Variants in RWDD2B observed in about 807,000 individuals in gnomAD.
The protein encoded by RWDD2B is RWD domain-containing protein 2B.
A neutral mutation model predicts 33.6 loss-of-function variants in RWDD2B; 36 were observed. The ratio of observed to expected loss-of-function variants is 1.07; its 90% confidence interval spans 0.82 to 1.42. RWDD2B has a LOEUF of 1.42. RWDD2B is among the 40% of genes most tolerant of loss of function. The pLI, the probability that RWDD2B is intolerant of heterozygous loss-of-function variation, is 0.00. For missense variants in RWDD2B, 364 were observed against 377.5 expected (o/e 0.96, Z 0.30); for synonymous variants, 126 against 133.1 (o/e 0.95, Z 0.37).
chr21:29,012,183 C>CCA (rs1555851482), intron 1 of RWDD2B, among the ~76,000 whole-genome samples: 1 of 131,136 alleles, frequency 7.6e-6, no homozygotes, highest in Non-Finnish European at 1.7e-5. Flanking sequence ...GTCAGCCCCC[C>CCA]CCCGGGAGGT....
Position 29,007,977 on chromosome 21 carries a change from G to A in RWDD2B, c.509C>T (p.Thr170Ile). 2 of 1,614,236 alleles carry A rather than the reference G, an allele frequency of 1.2e-6. No homozygotes were observed. Among genetic ancestry groups the A allele is most frequent in the East Asian group, 2.2e-5 (1 of 44,888 alleles). The change falls in exon 4 of 5, where the codon ACT (threonine) becomes ATT (isoleucine). Residue 170 changes from threonine (T) to isoleucine (I), a missense_variant. Physicochemically the swap from Thr to Ile is moderately conservative, Grantham distance 89. Transcript: ENST00000493196. ...GCTTCCTGTGGTGGGTGAAGATGAAGTATCTCTGCTGACATAGCCAGAGGC... is the reference window on the plus strand; with the variant it reads ...GCTTCCTGTGGTGGGTGAAGATGAAATATCTCTGCTGACATAGCCAGAGGC... Reference protein sequence around the residue: ...EHASGYVSRDTSSSPTTGSTV... With the variant: ...EHASGYVSRDISSSPTTGSTV...
chr21:29,015,413 T>C (rs950850947), intron 1 of RWDD2B, among the ~76,000 whole-genome samples: 16 of 150,930 alleles, frequency 1.1e-4, no homozygotes, highest in African/African-American at 3.9e-4. Context: ...GTATTTTTAG[T>C]AGAGATGGGG....
At chr21:29,018,379 A>C (rs185004870) in intron 1 of RWDD2B, among the ~76,000 whole-genome samples, 1 of 152,342 alleles carries the variant, frequency 6.6e-6, no homozygotes, top group African/African-American at 2.4e-5. Flanking sequence ...AGGCAGTTAG[A>C]TGTATAGTTT....
rs778377141 is a variant in RWDD2B, at chr21:29,008,614, G to A, written c.75C>T (p.Tyr25=). The A allele has an allele frequency of 4.3e-6, 7 of 1,611,230 alleles. No individual in the cohort carries two copies. The highest frequency in any genetic ancestry group is 1.1e-5 in the South Asian group (1 of 90,654). The change falls in exon 2 of 5, where the codon TAC becomes TAT. Residue 25 remains tyrosine (Y), a synonymous_variant. Transcript: ENST00000493196. The part of the protein sequence containing the change: ...SSEGATAQET[Y]TCPKMIEMEQ... ...CCATCTCAATCATTTTTGGACATGT[G>A]TAAGTTTCTAAGGAGGTAAAGATAA...
At chr21:29,006,979 A>G (rs2084831832) in intron 4 of RWDD2B, among the ~76,000 whole-genome samples, 1 of 152,218 alleles carries the variant, frequency 6.6e-6, no homozygotes, top group African/African-American at 2.4e-5. Flanking sequence ...TCATAATCTC[A>G]TCTCTGAACT....
At chr21:29,019,085 G>T in intron 1 of RWDD2B, 126 bp downstream of exon 1, 1 of 734,724 alleles carries the variant, frequency 1.4e-6, no homozygotes, top group Non-Finnish European at 2.2e-6. Context: ...GCCGACCGAT[G>T]GGCGCATGCA....
At chr21:29,010,957 G>C (rs1289553685) in intron 1 of RWDD2B, among the ~76,000 whole-genome samples, 1 of 152,194 alleles carries the variant, frequency 6.6e-6, no homozygotes, top group East Asian at 1.9e-4. Flanking sequence ...GACGGAGTCT[G>C]GTTCACTCAG....
At chr21:29,011,462 C>G (rs1027297531) in intron 1 of RWDD2B, among the ~76,000 whole-genome samples, 3 of 151,664 alleles carry the variant, frequency 2.0e-5, no homozygotes, top group African/African-American at 7.3e-5. Context: ...TGAGGAGCCC[C>G]TCCGCCCAGC....
At position 29,019,315 on chromosome 21, in the gene RWDD2B, A is replaced by G. The variant is rs947325771; in HGVS notation, c.-38T>C. 3.4e-6 allele frequency: 5 copies of G among 1,485,054 alleles called. No homozygotes were observed. The highest frequency in any genetic ancestry group is 1.2e-5 in the South Asian group (1 of 84,204). The allele number at this position is 1,485,054 out of a possible 1,614,324, so 92.0% of individuals were successfully genotyped here. A position where few individuals can be genotyped will look rare whatever the true frequency, so the allele number is the denominator to read the frequency against. On this transcript the variant is annotated 5_prime_UTR_variant, in exon 1 of 5. Transcript: ENST00000493196. The stretch of plus-strand genomic sequence containing the variant: ...TCAAAATTCTAGCATACTGCGACCC[A>G]AAACTTACAAACCGCCTCAGCTGGC...
At position 29,006,402 on chromosome 21, in the gene RWDD2B, C is replaced by A. The variant is rs1236582184; in HGVS notation, c.*15G>T. ...AAGGCCAACAGTGGCAAGATACTTT[C>A]AACTACTCTTGATGTCATTGTCCTT... On this transcript the variant is annotated 3_prime_UTR_variant, in exon 5 of 5. Transcript: ENST00000493196. 1.3e-6 allele frequency: 2 copies of A among 1,507,872 alleles called. No homozygotes were observed. The highest frequency in any genetic ancestry group is 1.4e-5 in the African/African-American group (1 of 71,372). 93.4% of individuals were successfully genotyped at this position (1,507,872 alleles called of 1,614,324 possible). A position where few individuals can be genotyped will look rare whatever the true frequency, so the allele number is the denominator to read the frequency against.
rs532279790 is a variant in RWDD2B at position 29,011,186 on chromosome 21, C to A, written c.68-2565G>T. Among the ~76,000 whole-genome samples, 83 of 150,446 alleles carry A rather than the reference C, an allele frequency of 5.5e-4. No individual in the cohort carries two copies. The Middle Eastern group carries it at 0.01, about 19-fold the overall frequency. On this transcript the variant is annotated intron_variant, in intron 1 of 4. Transcript: ENST00000493196. Reference sequence around the variant, plus strand: ...GCTGCCTAGTCTGGAAAGTGAGGAGCGTCTCTGCCCAGCCGCCCTGCCATC... The same window carrying A: ...GCTGCCTAGTCTGGAAAGTGAGGAGAGTCTCTGCCCAGCCGCCCTGCCATC...
intron 1 of RWDD2B, among the ~76,000 whole-genome samples, chr21:29,015,746 GTC>G (rs1044933264): frequency 6.6e-6 from 1 of 151,986 alleles, no homozygotes; most frequent in African/African-American, 2.4e-5. Context: ...GGCCAGGCTG[GTC>G]TCAAACTCCT....
chr21:29,011,973 C>A (rs2084864693), intron 1 of RWDD2B, among the ~76,000 whole-genome samples: 1 of 129,792 alleles, frequency 7.7e-6, no homozygotes, highest in East Asian at 2.4e-4. Context: ...GCCAGCCGCG[C>A]CGTCCGGGAG....
chr21:29,007,766 C>T lies in RWDD2B; in HGVS notation c.720G>A (p.Trp240Ter), dbSNP rs751132230. The change falls in exon 4 of 5, where the codon TGG (tryptophan) becomes TGA (stop). Residue 240 changes from tryptophan (W) to a stop codon, truncating the protein, a stop_gained. Coordinates refer to ENST00000493196, the MANE Select transcript of RWDD2B (RefSeq NM_016940.3). LOFTEE classifies it high-confidence loss of function. ...EGPQSACEEFWSRLRKLNWKR... is the reference protein window; with the variant it reads ...EGPQSACEEF ...ATACATATGTAAAAGCAAACCTTGA[C>T]CAGAATTCTTCACAGGCACTTTGTG... The T allele has an allele frequency of 1.9e-6, 3 of 1,612,086 alleles. No homozygotes were observed. The East Asian group carries it at 6.7e-5, about 36-fold the overall frequency.
intron 1 of RWDD2B, among the ~76,000 whole-genome samples, chr21:29,012,321 G>A (rs1159803082): frequency 6.6e-6 from 1 of 152,148 alleles, no homozygotes; most frequent in Admixed American, 6.5e-5. Flanking sequence ...GCGGTTTTGT[G>A]GAATAGAAAG....
chr21:29,015,042 G>T (rs919346265), intron 1 of RWDD2B, among the ~76,000 whole-genome samples: 1 of 151,606 alleles, frequency 6.6e-6, no homozygotes, highest in South Asian at 2.1e-4. Flanking sequence ...GCAGTATTCT[G>T]GCTTAACAGG....
chr21:29,016,247 GT>G (rs933208318), intron 1 of RWDD2B, among the ~76,000 whole-genome samples: 3 of 151,360 alleles, frequency 2.0e-5, no homozygotes, highest in African/African-American at 4.9e-5. Flanking sequence ...GTTTTCTTTT[GT>G]TTTTTTTCCG....
rs1306881024 is a variant in RWDD2B, at chr21:29,005,828, C to G, written c.*589G>C. 1 of 151,648 alleles carries G rather than the reference C, an allele frequency of 6.6e-6. No individual in the cohort carries two copies. The highest frequency in any genetic ancestry group is 2.4e-5 in the African/African-American group (1 of 41,228). The allele number at this position is 151,648 out of a possible 1,614,324, so 9.4% of individuals were successfully genotyped here. A position where few individuals can be genotyped will look rare whatever the true frequency, so the allele number is the denominator to read the frequency against. On this transcript the variant is annotated 3_prime_UTR_variant, in exon 5 of 5. Coordinates refer to ENST00000493196, the MANE Select transcript of RWDD2B (RefSeq NM_016940.3). The stretch of plus-strand genomic sequence containing the variant: ...AATGGCTGGTGTTGGGTCAGCAGCT[C>G]AACAATGTGGCAACTGGCATCTTCG...
At position 29,008,944 on chromosome 21, in the gene RWDD2B, C is replaced by T. The variant is rs2084843473; in HGVS notation, c.68-323G>A. 2.0e-5 allele frequency among the ~76,000 whole-genome samples: 3 copies of T among 152,024 alleles called. No individual in the cohort carries two copies. In the South Asian group the frequency reaches 6.2e-4, roughly 32 times the overall value. ...AATGGGCAATTTCATCAAAGTAAAC[C>T]AATTATGTAGTCAAAAAGCTGTATC... On this transcript the variant is annotated intron_variant, in intron 1 of 4. Transcript: ENST00000493196.
Sources: gnomAD v4.1 joint callset for allele counts (sites outside exome capture counted in the v4.1 genomes callset) on GRCh38, gnomAD v4.1.1 for gene constraint, MANE v1.5 for transcripts, NCBI Gene and HGNC (gene_info 2026-07-23, HGNC 2026-07-21) for gene names.